Variants in TRPM3 observed in about 807,000 individuals in gnomAD.
TRPM3 encodes the protein transient receptor potential cation channel subfamily M member 3, also known as long transient receptor potential channel 3.
A neutral mutation model predicts 181.2 loss-of-function variants in TRPM3; 77 were observed. That is an observed-to-expected ratio of 0.42 (90% CI 0.35 to 0.51). TRPM3 has a LOEUF of 0.51. Ranked by LOEUF, TRPM3 falls within the 20% of genes least tolerant of loss-of-function variation. TRPM3 has a pLI of 0.01. For synonymous variants in TRPM3, 745 were observed against 796.4 expected (o/e 0.94, Z 1.09); for missense variants, 1,759 against 2,196.7 (o/e 0.80, Z 3.98).
At chr9:70,999,563 T>G (rs2097577103) in intron 1 of TRPM3, among the ~76,000 whole-genome samples, 2 of 152,228 alleles carry the variant, frequency 1.3e-5, no homozygotes, top group Admixed American at 1.3e-4. Flanking sequence ...CTCCAGTGTA[T>G]TATTTCTCTG....
chr9:71,307,617 T>C (rs2087483303), intron 1 of TRPM3, among the ~76,000 whole-genome samples: 1 of 152,184 alleles, frequency 6.6e-6, no homozygotes, highest in South Asian at 2.1e-4. Context: ...TATAATTAGA[T>C]TTATTCAGTA....
intron 1 of TRPM3, among the ~76,000 whole-genome samples, chr9:71,407,584 A>G (rs993516928): frequency 6.6e-6 from 1 of 152,272 alleles, no homozygotes; most frequent in African/African-American, 2.4e-5. Context: ...GAAGCTCAAA[A>G]TGGGTGGAGC....
At chr9:71,301,853 A>G (rs2086805137) in intron 1 of TRPM3, among the ~76,000 whole-genome samples, 3 of 152,186 alleles carry the variant, frequency 2.0e-5, no homozygotes, top group African/African-American at 7.2e-5. Context: ...TGTAGTACCT[A>G]GCATATAGTA....
At chr9:70,837,763 AAAGGG>A (rs2094413750) in intron 5 of TRPM3, among the ~76,000 whole-genome samples, 1 of 152,212 alleles carries the variant, frequency 6.6e-6, no homozygotes, top group South Asian at 2.1e-4. Flanking sequence ...AGGGACAAAG[AAAGGG>A]GCTCCGGTCA....
chr9:70,800,062 G>T (rs2088464759), intron 6 of TRPM3, among the ~76,000 whole-genome samples: 1 of 152,108 alleles, frequency 6.6e-6, no homozygotes, highest in Admixed American at 6.5e-5. Flanking sequence ...ACAAAGTTGA[G>T]CCTCTGGTTC....
At chr9:70,830,039 T>C (rs1337795504) in intron 5 of TRPM3, among the ~76,000 whole-genome samples, 1 of 152,218 alleles carries the variant, frequency 6.6e-6, no homozygotes, top group Non-Finnish European at 1.5e-5. Flanking sequence ...CTCTCTTTTC[T>C]AGTAGCAGTT....
intron 1 of TRPM3, among the ~76,000 whole-genome samples, chr9:71,208,367 T>A (rs1211213586): frequency 1.3e-5 from 2 of 152,288 alleles, no homozygotes; most frequent in East Asian, 3.9e-4. Context: ...ATAATTTAGG[T>A]ACTGAAAAGT....
At chr9:71,115,047 C>A (rs1225054840) in intron 1 of TRPM3, among the ~76,000 whole-genome samples, 1 of 152,184 alleles carries the variant, frequency 6.6e-6, no homozygotes, top group Non-Finnish European at 1.5e-5. Context: ...CAATTTACTT[C>A]TCTTTCTGTC....
intron 7 of TRPM3, among the ~76,000 whole-genome samples, chr9:70,782,197 TA>T (rs2082605931): frequency 1.7e-5 from 2 of 120,842 alleles, no homozygotes; most frequent in African/African-American, 7.0e-5. Flanking sequence ...GAACCTTGGT[TA>T]ATTTTTTTTT....
chr9:70,692,564 G>T (rs2068914859), intron 8 of TRPM3, among the ~76,000 whole-genome samples: 1 of 152,176 alleles, frequency 6.6e-6, no homozygotes, highest in Admixed American at 6.5e-5. Flanking sequence ...AAATGGCACT[G>T]CAAAACACAG....
intron 1 of TRPM3, among the ~76,000 whole-genome samples, chr9:71,012,684 T>C (rs977578570): frequency 6.6e-6 from 1 of 151,928 alleles, no homozygotes; most frequent in Non-Finnish European, 1.5e-5. Flanking sequence ...ATCATATTAT[T>C]CCTTTTAATT....
chr9:71,247,426 T>C lies in TRPM3; in HGVS notation c.183+199227A>G, dbSNP rs573421367. On this transcript the variant is annotated intron_variant, in intron 1 of 24. Coordinates refer to the TRPM3 transcript ENST00000357533. The stretch of plus-strand genomic sequence containing the variant: ...TGAATCAATAGGAATTGGCAAGTCA[T>C]TGCATACTGAGTAAAGGAAAGGGTC... Among the ~76,000 whole-genome samples the C allele has an allele frequency of 2.0e-5, 3 of 151,116 alleles. No individual in the cohort carries two copies. In the South Asian group the frequency reaches 6.3e-4, roughly 32 times the overall value.
At chr9:71,023,701 TAAAA>T (rs201859225) in intron 1 of TRPM3, among the ~76,000 whole-genome samples, 1 of 125,864 alleles carries the variant, frequency 7.9e-6, no homozygotes, top group Admixed American at 8.2e-5. Context: ...TGATGCTGAG[TAAAA>T]AAAAAAAAAA....
At chr9:70,782,453 C>T (rs927160021) in intron 7 of TRPM3, among the ~76,000 whole-genome samples, 16 of 152,226 alleles carry the variant, frequency 1.1e-4, no homozygotes, top group Admixed American at 9.8e-4. Flanking sequence ...CTCAAGTGAT[C>T]CACCCGCCTT....
intron 5 of TRPM3, among the ~76,000 whole-genome samples, chr9:70,834,296 G>A (rs761066808): frequency 1.4e-4 from 21 of 152,328 alleles, no homozygotes; most frequent in Non-Finnish European, 1.5e-4. Flanking sequence ...ACACTGCAGA[G>A]CAGCACAGTC....
intron 25 of TRPM3, among the ~76,000 whole-genome samples, chr9:70,544,058 C>T (rs555392854): frequency 2.6e-5 from 4 of 152,206 alleles, no homozygotes; most frequent in South Asian, 4.2e-4. Flanking sequence ...CACAAGCCAC[C>T]GTTTTTTGAA....
At chr9:71,332,816 A>C (rs1036432112) in intron 1 of TRPM3, among the ~76,000 whole-genome samples, 4 of 142,784 alleles carry the variant, frequency 2.8e-5, no homozygotes, top group Non-Finnish European at 6.4e-5. Context: ...AGCTTTGCCC[A>C]GAAAAAAACA....
At chr9:71,300,235 T>C (rs1259264289) in intron 1 of TRPM3, among the ~76,000 whole-genome samples, 1 of 152,136 alleles carries the variant, frequency 6.6e-6, no homozygotes, top group Non-Finnish European at 1.5e-5. Flanking sequence ...AACTTAAATA[T>C]AATCTCGTTG....
intron 1 of TRPM3, among the ~76,000 whole-genome samples, chr9:71,376,299 C>T (rs2092664210): frequency 6.6e-6 from 1 of 151,996 alleles, no homozygotes; most frequent in Admixed American, 6.6e-5. Flanking sequence ...ATATAACACA[C>T]ATTTAAGAAT....
Sources: gnomAD v4.1 joint callset for allele counts (sites outside exome capture counted in the v4.1 genomes callset) on GRCh38, gnomAD v4.1.1 for gene constraint, MANE v1.5 for transcripts, NCBI Gene and HGNC (gene_info 2026-07-23, HGNC 2026-07-21) for gene names.